TRPC5: variants seen among roughly 807,000 people sequenced by gnomAD.
TRPC5 encodes short transient receptor potential channel 5.
Under a neutral mutation model 56.5 loss-of-function variants are expected in TRPC5, and 9 were observed. The ratio of observed to expected loss-of-function variants is 0.16; its 90% CI spans 0.10 to 0.28. TRPC5 has a LOEUF of 0.28. Ranked by LOEUF, TRPC5 falls within the 10% of genes least tolerant of loss-of-function variation. The pLI is 1.00. For missense variants in TRPC5, 469 were observed against 748.9 expected, an observed-to-expected ratio of 0.63 and a Z score of 4.36; for synonymous variants, 282 against 278.5, an observed-to-expected ratio of 1.01 and a Z score of -0.13.
chrX:111,974,269 G>A (rs750240878), intron 1 of TRPC5, among the ~76,000 whole-genome samples: 2 of 111,522 alleles, frequency 1.8e-5, no homozygotes, highest in South Asian at 7.6e-4. Flanking sequence ...TTCAGGGAGA[G>A]GGAACTGAAG....
chrX:111,913,289 T>TAGA (rs756461257), intron 2 of TRPC5, among the ~76,000 whole-genome samples: 1 of 111,065 alleles, frequency 9.0e-6, no homozygotes, highest in East Asian at 2.9e-4. Flanking sequence ...ATTACTTGGG[T>TAGA]AGAGCAAACT....
At chrX:111,971,222 T>C (rs965948518) in intron 1 of TRPC5, among the ~76,000 whole-genome samples, 2 of 111,617 alleles carry the variant, frequency 1.8e-5, no homozygotes, top group Non-Finnish European at 3.8e-5. Flanking sequence ...TTATGGTACT[T>C]AGAGACTATT....
rs1183363289 is a variant in TRPC5, at chrX:111,774,372, T to C, written c.*1941A>G. ...GTTCTATTATTATTCAAAGTGAATT[T>C]GACAATTTGAAAAGCTGAATCTGTA... is the stretch of plus-strand genomic sequence containing the variant. On this transcript the variant is annotated 3_prime_UTR_variant, in exon 11 of 11. Coordinates refer to ENST00000262839, the MANE Select transcript of TRPC5 (RefSeq NM_012471.3). The C allele has an allele frequency of 8.9e-6, 1 of 112,246 alleles. No homozygotes were observed. The highest frequency in any genetic ancestry group is 2.8e-4 in the East Asian group (1 of 3,596). 9.3% of individuals were successfully genotyped at this position (112,246 alleles called of 1,213,427 possible).
At chrX:111,901,447 C>A (rs1011700768) in intron 3 of TRPC5, 32 of 114,430 alleles carry the variant, frequency 2.8e-4, no homozygotes, top group Admixed American at 6.5e-4. Flanking sequence ...ACCTTAACAG[C>A]AATTCTTGAT....
chrX:112,080,687 G>C (rs750799155), intron 1 of TRPC5, among the ~76,000 whole-genome samples: 5 of 111,881 alleles, frequency 4.5e-5, no homozygotes, highest in Non-Finnish European at 9.4e-5. Flanking sequence ...AAGACATGAT[G>C]AAAGGTACCA....
intron 1 of TRPC5, among the ~76,000 whole-genome samples, chrX:112,071,016 T>G (rs1469959350): frequency 1.8e-5 from 2 of 111,567 alleles, no homozygotes; most frequent in Non-Finnish European, 3.8e-5. Flanking sequence ...AAGTGACTCA[T>G]TCCTGTAATC....
intron 7 of TRPC5, among the ~76,000 whole-genome samples, chrX:111,796,357 A>G (rs1287830363): frequency 2.7e-5 from 3 of 111,280 alleles, no homozygotes; most frequent in South Asian, 3.7e-4. Context: ...TACAGTTTCT[A>G]TTGGTATATT....
chrX:111,940,071 A>T (rs1269855701), intron 2 of TRPC5, among the ~76,000 whole-genome samples: 2 of 111,335 alleles, frequency 1.8e-5, no homozygotes, highest in Admixed American at 9.6e-5. Flanking sequence ...ATAAATTTTG[A>T]TATGTTTTGT....
intron 7 of TRPC5, among the ~76,000 whole-genome samples, chrX:111,815,844 A>G (rs185122001): frequency 9.0e-6 from 1 of 111,368 alleles, no homozygotes; most frequent in Admixed American, 9.6e-5. Flanking sequence ...CTCTGTTGAC[A>G]AGACACAGGA....
rs1945924333 is a variant in TRPC5, at chrX:111,782,083, A to G, written c.1952T>C (p.Phe651Ser). 8.3e-7 allele frequency: 1 copy of G among 1,211,349 alleles called. No individual in the cohort carries two copies. Among genetic ancestry groups the G allele is most frequent in the Non-Finnish European group, 1.1e-6 (1 of 895,309 alleles). The stretch of plus-strand genomic sequence containing the variant: ...AGGTGGCAAGGTGCCACCTTCATCA[A>G]AGTAACTCATCCAGAGCTTCGTCCT... Reference protein sequence around the residue: ...FARTKLWMSYFDEGGTLPPPF... With the variant: ...FARTKLWMSYSDEGGTLPPPF... The change falls in exon 8 of 11, where the codon TTT becomes TCT. Residue 651 changes from phenylalanine (F) to serine (S), a missense_variant. Physicochemically the swap from Phe to Ser is radical, Grantham distance 155. Around this residue, in one of 3 missense-constraint regions of TRPC5, gnomAD observed 157 missense variants for 360.0 expected, o/e 0.44. Coordinates refer to ENST00000262839, the MANE Select transcript of TRPC5 (RefSeq NM_012471.3).
intron 7 of TRPC5, among the ~76,000 whole-genome samples, chrX:111,825,741 C>A (rs1922213959): frequency 8.9e-6 from 1 of 111,911 alleles, no homozygotes; most frequent in South Asian, 3.8e-4. Flanking sequence ...AAGACTAGTG[C>A]ACTCTGGCTG....
At chrX:111,916,843 T>C (rs7890934) in intron 2 of TRPC5, among the ~76,000 whole-genome samples, 12,548 of 112,389 alleles carry the variant, frequency 0.11, 738 homozygotes, top group African/African-American at 0.23. Context: ...AATACATATG[T>C]GAAACAAATT....
chrX:111,830,119 C>A (rs893119200), intron 7 of TRPC5, among the ~76,000 whole-genome samples: 8 of 112,531 alleles, frequency 7.1e-5, no homozygotes, highest in Non-Finnish European at 1.3e-4. Context: ...GACATGGAGT[C>A]AAAGGAGATC....
At chrX:111,960,691 C>T (rs778725231) in intron 1 of TRPC5, among the ~76,000 whole-genome samples, 57 of 111,980 alleles carry the variant, frequency 5.1e-4, no homozygotes, top group African/African-American at 1.5e-3. Flanking sequence ...GTCCCATTTC[C>T]GTTGCCCCTT....
intron 2 of TRPC5, among the ~76,000 whole-genome samples, chrX:111,929,773 A>T (rs987018780): frequency 8.9e-6 from 1 of 112,455 alleles, no homozygotes; most frequent in Non-Finnish European, 1.9e-5. Context: ...TTCCTTTGTT[A>T]TTCAGTGATA....
chrX:112,063,884 C>T (rs1022578988), intron 1 of TRPC5, among the ~76,000 whole-genome samples: 7 of 111,685 alleles, frequency 6.3e-5, no homozygotes, highest in African/African-American at 2.0e-4. Flanking sequence ...CTCCGCCTCC[C>T]GGGTTCACGC....
chrX:112,041,428 A>G (rs910258210), intron 1 of TRPC5, among the ~76,000 whole-genome samples: 10 of 112,151 alleles, frequency 8.9e-5, no homozygotes, highest in Non-Finnish European at 1.7e-4. Flanking sequence ...ACACCATGTT[A>G]TGTGTTTTAA....
chrX:111,850,194 C>T lies in TRPC5; in HGVS notation c.1377+2104G>A, dbSNP rs145743974. 3.3e-3 allele frequency among the ~76,000 whole-genome samples: 367 copies of T among 110,699 alleles called. 2 individuals carry two copies. The highest frequency in any genetic ancestry group is 0.011 in the African/African-American group (328 of 30,488). On this transcript the variant is annotated intron_variant, in intron 5 of 10. Coordinates refer to ENST00000262839, the MANE Select transcript of TRPC5 (RefSeq NM_012471.3). ...GTGGAATAGATCTAGGTGGTACTAT[C>T]CTAGAAAAGCAAAGAATGGTTATAC...
In TRPC5 at chrX:111,776,584, G is replaced by A. The variant is rs370637682; in HGVS notation, c.2651C>T (p.Ser884Phe). The A allele has an allele frequency of 1.0e-4, 123 of 1,210,162 alleles. No individual in the cohort carries two copies. Among genetic ancestry groups the A allele is most frequent in the Non-Finnish European group, 1.3e-4 (115 of 895,318 alleles). ...QHCMWQDIRYSQMEKGKAEAC... is the reference protein window; with the variant it reads ...QHCMWQDIRYFQMEKGKAEAC... ...CTCTGCTTTCCCTTTCTCCATCTGA[G>A]AATATCTGATGTCCTGCCACATACA... is the stretch of plus-strand genomic sequence containing the variant. The change falls in exon 11 of 11, where the codon TCT (serine) becomes TTT (phenylalanine). Residue 884 changes from serine to phenylalanine, a missense_variant. By Grantham distance (155) the Ser-to-Phe change is radical (BLOSUM62 -2). Coordinates refer to ENST00000262839, the MANE Select transcript of TRPC5 (RefSeq NM_012471.3).
Sources: gnomAD v4.1 joint callset for allele counts (sites outside exome capture counted in the v4.1 genomes callset) on GRCh38, gnomAD v4.1.1 for gene constraint, gnomAD v4.1.1 regional missense constraint, MANE v1.5 for transcripts, NCBI Gene and HGNC (gene_info 2026-07-23, HGNC 2026-07-21) for gene names.